The following PLEKHA7 variants were observed in gnomAD, a reference collection of about 807,000 sequenced individuals.
PLEKHA7 encodes the protein pleckstrin homology domain containing A7.
Under a neutral mutation model 170.0 loss-of-function variants are expected in PLEKHA7, and 104 were observed. The ratio of observed to expected loss-of-function variants is 0.61; its 90% confidence interval spans 0.52 to 0.72. The LOEUF is 0.72. Among genes scored for constraint, PLEKHA7 ranks in the 30% least tolerant of loss-of-function variants. The pLI, the probability that PLEKHA7 is intolerant of heterozygous loss-of-function variation, is 0.00. For missense variants in PLEKHA7, 1,615 were observed against 1,671.7 expected, an observed-to-expected ratio of 0.97 and a Z score of 0.59; for synonymous variants, 648 against 660.8, an observed-to-expected ratio of 0.98 and a Z score of 0.30.
intron 6 of PLEKHA7, 81 bp downstream of exon 6, chr11:16,854,808 C>T: frequency 8.0e-7 from 1 of 1,246,146 alleles, no homozygotes; most frequent in African/African-American, 1.5e-5. Flanking sequence ...TGTGCCCATC[C>T]CTAGCTTCCT....
intron 3 of PLEKHA7, among the ~76,000 whole-genome samples, chr11:16,884,123 CCCCTCCACACACAGGTTT>C (rs1855902879): frequency 6.6e-6 from 1 of 152,016 alleles, no homozygotes; most frequent in South Asian, 2.1e-4. Flanking sequence ...CATAAACAGC[CCCCTCCACACACAGGTTT>C]CCCTAGGACT....
rs151279018 is a variant in PLEKHA7 at position 16,777,493 on chromosome 11, G to C, written c.*1505C>G. 1.3e-5 allele frequency: 2 copies of C among 152,104 alleles called. No individual in the cohort carries two copies. Among genetic ancestry groups the C allele is most frequent in the Non-Finnish European group, 1.5e-5 (1 of 68,024 alleles). The allele number at this position is 152,104 out of a possible 1,614,324, so 9.4% of individuals were successfully genotyped here. A position where few individuals can be genotyped will look rare whatever the true frequency, so the allele number is the denominator to read the frequency against. ...AGTTAGTTAAAAATAGACAACAACT[G>C]CTAGATATATTCAAAATTCTATTTT... On this transcript the variant is annotated 3_prime_UTR_variant, in exon 27 of 27. Transcript: ENST00000531066.
At chr11:16,934,737 C>G (rs1860170317) in intron 3 of PLEKHA7, among the ~76,000 whole-genome samples, 1 of 152,152 alleles carries the variant, frequency 6.6e-6, no homozygotes, top group African/African-American at 2.4e-5. Context: ...AATGAATACT[C>G]AGTGTATGGT....
chr11:16,931,703 C>T (rs139984373), intron 3 of PLEKHA7, among the ~76,000 whole-genome samples: 22 of 151,238 alleles, frequency 1.5e-4, no homozygotes, highest in South Asian at 1.0e-3. Flanking sequence ...TGCAGTGAGC[C>T]GAGATTGTAC....
At chr11:16,827,378 G>A (rs1006677650) in intron 9 of PLEKHA7, among the ~76,000 whole-genome samples, 2 of 152,186 alleles carry the variant, frequency 1.3e-5, no homozygotes, top group African/African-American at 4.8e-5. Flanking sequence ...AGAGAAGATC[G>A]ATTATTTGCT....
chr11:16,931,318 G>A lies in PLEKHA7; in HGVS notation c.222-60136C>T, dbSNP rs140012468. 1.6e-3 allele frequency among the ~76,000 whole-genome samples: 251 copies of A among 152,226 alleles called. 1 individual carries two copies. The highest frequency in any genetic ancestry group is 5.8e-3 in the African/African-American group (239 of 41,542). ...ACCCTCAGTGATTTGGCTGCTTGTG[G>A]TCTGGAACCCACACTGAGAAATTCT... On this transcript the variant is annotated intron_variant, in intron 3 of 26. Transcript: ENST00000531066.
chr11:16,852,546 A>G (rs563944941), intron 6 of PLEKHA7, among the ~76,000 whole-genome samples, 191 bp from the exon 7 acceptor site: 1 of 152,358 alleles, frequency 6.6e-6, no homozygotes, highest in East Asian at 1.9e-4. Flanking sequence ...GTTTATCCTA[A>G]GAAAGCAGGG....
rs1042990141 is a variant in PLEKHA7 at position 16,813,133 on chromosome 11, G to C, written c.1987C>G (p.Leu663Val). The change falls in exon 13 of 27, where the codon CTG becomes GTG. Residue 663 changes from leucine (L) to valine (V), a missense_variant. Physicochemically the swap from Leu to Val is conservative, Grantham distance 32. Transcript: ENST00000531066. The part of the protein sequence containing the change: ...DDTYLQLKKD[L>V]EYLDLKMTGR... ...CTTACCTTTAGATCCAGGTACTCCA[G>C]GTCTTTCTTCAGCTGGAGGTAGGTA... is the stretch of plus-strand genomic sequence containing the variant. 2.5e-6 allele frequency: 4 copies of C among 1,613,574 alleles called. No homozygotes were observed. The highest frequency in any genetic ancestry group is 1.7e-5 in the Admixed American group (1 of 59,992).
At chr11:16,903,420 A>G (rs1049618146) in intron 3 of PLEKHA7, among the ~76,000 whole-genome samples, 7 of 152,226 alleles carry the variant, frequency 4.6e-5, no homozygotes, top group African/African-American at 1.4e-4. Flanking sequence ...AGAGGGTCCC[A>G]GGGAAGGCTG....
chr11:16,965,154 C>CAAA (rs144198354), intron 3 of PLEKHA7, among the ~76,000 whole-genome samples: 1 of 150,314 alleles, frequency 6.7e-6, no homozygotes, highest in Non-Finnish European at 1.5e-5. Flanking sequence ...ACAAAATATA[C>CAAA]AAAAAAAAAC....
chr11:16,912,850 C>T (rs1163480640), intron 3 of PLEKHA7, among the ~76,000 whole-genome samples: 1 of 152,198 alleles, frequency 6.6e-6, no homozygotes, highest in Non-Finnish European at 1.5e-5. Context: ...TCCTGTGTGA[C>T]TCGCTCCACC....
chr11:16,870,320 A>G (rs1017808724), intron 4 of PLEKHA7, among the ~76,000 whole-genome samples: 3 of 151,888 alleles, frequency 2.0e-5, no homozygotes, highest in African/African-American at 7.3e-5. Flanking sequence ...CACTACACAC[A>G]CACATTTTTT....
intron 3 of PLEKHA7, among the ~76,000 whole-genome samples, chr11:16,992,322 G>A (rs866868012): frequency 2.0e-5 from 3 of 152,204 alleles, no homozygotes; most frequent in Admixed American, 6.5e-5. Flanking sequence ...AAGGAAGCCC[G>A]GTGAGGCAGC....
chr11:16,982,806 CGGAGAA>C (rs1863514710), intron 3 of PLEKHA7, among the ~76,000 whole-genome samples: 1 of 145,294 alleles, frequency 6.9e-6, no homozygotes, highest in South Asian at 2.3e-4. Context: ...CACACACACA[CGGAGAA>C]AGAGAGACAG....
At chr11:16,794,812 C>T in intron 18 of PLEKHA7, 98 bp from the exon 19 acceptor site, 1 of 1,510,282 alleles carries the variant, frequency 6.6e-7, no homozygotes, top group African/African-American at 1.4e-5. Context: ...ACTCAACCTC[C>T]CCAAGGGCCA....
intron 3 of PLEKHA7, among the ~76,000 whole-genome samples, chr11:16,934,896 G>A (rs1860180196): frequency 6.6e-6 from 1 of 152,292 alleles, no homozygotes; most frequent in African/African-American, 2.4e-5. Flanking sequence ...AAAAAAAAGA[G>A]TCTGGTTATA....
chr11:16,982,525 G>A (rs1365251472), intron 3 of PLEKHA7, among the ~76,000 whole-genome samples: 1 of 152,236 alleles, frequency 6.6e-6, no homozygotes, highest in African/African-American at 2.4e-5. Flanking sequence ...TCAAGGACAG[G>A]TTTAATCAGG....
intron 3 of PLEKHA7, among the ~76,000 whole-genome samples, chr11:16,916,464 G>C (rs1858688656): frequency 6.6e-6 from 1 of 152,126 alleles, no homozygotes; most frequent in South Asian, 2.1e-4. Flanking sequence ...TGTTGGGCCT[G>C]ATTAACTTAA....
chr11:16,890,847 A>AT (rs1243552784), intron 3 of PLEKHA7, among the ~76,000 whole-genome samples: 18 of 152,188 alleles, frequency 1.2e-4, no homozygotes, highest in Admixed American at 2.6e-4. Context: ...TAACATGAAA[A>AT]AATATATATA....
Sources: allele counts gnomAD v4.1 joint callset (sites outside exome capture counted in the v4.1 genomes callset), GRCh38; gene constraint gnomAD v4.1.1; transcripts MANE v1.5; gene names NCBI Gene and HGNC (gene_info 2026-07-23, HGNC 2026-07-21).